RNLS: variants seen among roughly 807,000 people sequenced by gnomAD.
RNLS encodes the protein renalase, FAD dependent amine oxidase.
Under a neutral mutation model 39.8 loss-of-function variants are expected in RNLS, and 39 were observed. That is an observed-to-expected ratio of 0.98 (90% CI 0.76 to 1.28). The LOEUF is 1.28. Ranked by LOEUF, RNLS falls within the 50% of genes most tolerant of loss-of-function variation. The pLI, the probability that RNLS is intolerant of heterozygous loss-of-function variation, is 0.00. For synonymous variants in RNLS, 147 were observed against 150.7 expected (o/e 0.98, Z 0.18); for missense variants, 410 against 413.3 (o/e 0.99, Z 0.07).
downstream of RNLS, among the ~76,000 whole-genome samples, chr10:88,282,941 T>G (rs1415594516): frequency 6.6e-6 from 1 of 152,182 alleles, no homozygotes; most frequent in Non-Finnish European, 1.5e-5. Context: ...TTGAATACGC[T>G]CCTTTCAAAA....
intron 4 of RNLS, among the ~76,000 whole-genome samples, chr10:88,462,919 T>A (rs1785389033): frequency 1.3e-5 from 2 of 151,978 alleles, no homozygotes; most frequent in African/African-American, 4.8e-5. Context: ...CTCCAGGTAG[T>A]GTGGTCTTGA....
intron 4 of RNLS, among the ~76,000 whole-genome samples, chr10:88,439,604 T>C (rs1379161982): frequency 2.6e-5 from 4 of 152,236 alleles, no homozygotes; most frequent in African/African-American, 9.6e-5. Context: ...TTGGCATCTC[T>C]TGAGACATTT....
intron 5 of RNLS, among the ~76,000 whole-genome samples, chr10:88,356,754 C>T (rs1296187358): frequency 6.6e-6 from 1 of 152,032 alleles, no homozygotes; most frequent in Non-Finnish European, 1.5e-5. Flanking sequence ...AAAACTATGT[C>T]ATTATGGCTA....
intron 4 of RNLS, among the ~76,000 whole-genome samples, chr10:88,443,890 TCGGGG>T (rs1841876929): frequency 6.6e-6 from 1 of 152,176 alleles, no homozygotes; most frequent in Non-Finnish European, 1.5e-5. Flanking sequence ...ACTCCACCTC[TCGGGG>T]CAGGGCATAG....
intron 4 of RNLS, among the ~76,000 whole-genome samples, chr10:88,506,572 T>C (rs1050871308): frequency 1.9e-4 from 28 of 151,298 alleles, no homozygotes; most frequent in Non-Finnish European, 2.5e-4. Context: ...AATTTAAAAA[T>C]AAATAAAATT....
At chr10:88,522,182 T>C (rs1359580871) in intron 4 of RNLS, among the ~76,000 whole-genome samples, 1 of 152,096 alleles carries the variant, frequency 6.6e-6, no homozygotes, top group East Asian at 1.9e-4. Flanking sequence ...AAAATATTTG[T>C]CAATACATTA....
At chr10:88,578,954 T>G (rs1260057165) in intron 3 of RNLS, among the ~76,000 whole-genome samples, 3 of 152,132 alleles carry the variant, frequency 2.0e-5, no homozygotes, top group Admixed American at 1.3e-4. Flanking sequence ...AAAGGATATG[T>G]GTATGTATGT....
chr10:88,318,917 G>A (rs1845969212), intron 5 of RNLS, among the ~76,000 whole-genome samples: 1 of 152,106 alleles, frequency 6.6e-6, no homozygotes, highest in African/African-American at 2.4e-5. Context: ...ATCAGGGCAG[G>A]TGCTTCCGCT....
intron 4 of RNLS, among the ~76,000 whole-genome samples, chr10:88,393,532 G>A (rs1852349899): frequency 1.3e-5 from 2 of 152,306 alleles, no homozygotes; most frequent in East Asian, 3.9e-4. Flanking sequence ...ACTGCTCAAT[G>A]AAGTAAAAGA....
At chr10:88,260,242 C>T in the RNLS span, among the ~76,000 whole-genome samples, 1 of 152,170 alleles carries the variant, frequency 6.6e-6, no homozygotes, top group African/African-American at 2.4e-5. Context: ...TTCTCTGAGT[C>T]CTGCAGCCAC....
At chr10:88,292,280 AG>A (rs932775237) in intron 6 of RNLS, among the ~76,000 whole-genome samples, 1 of 150,888 alleles carries the variant, frequency 6.6e-6, no homozygotes, top group Non-Finnish European at 1.5e-5. Context: ...ATGTTAATAT[AG>A]GGGAAATATC....
chr10:88,203,779 TATTATA>T, the RNLS span, among the ~76,000 whole-genome samples: 16 of 151,172 alleles, frequency 1.1e-4, 1 homozygote, highest in African/African-American at 3.6e-4. Context: ...TATAAAATAA[TATTATA>T]ATTATATTAA....
intron 4 of RNLS, among the ~76,000 whole-genome samples, chr10:88,443,918 C>CA (rs1389557239): frequency 2.6e-5 from 4 of 152,238 alleles, no homozygotes; most frequent in African/African-American, 7.2e-5. Context: ...GAACAAAAGG[C>CA]AGCAGAAACC....
At chr10:88,274,052 G>A (rs1215679640) in exon 7 of RNLS, 2 of 152,080 alleles carry the variant, frequency 1.3e-5, no homozygotes, top group African/African-American at 4.8e-5. Flanking sequence ...CCCTTAAACA[G>A]GATGTTAAAA....
intron 4 of RNLS, among the ~76,000 whole-genome samples, chr10:88,452,564 TATCATCACTCCTAA>T: frequency 6.6e-6 from 1 of 152,140 alleles, no homozygotes; most frequent in Non-Finnish European, 1.5e-5. Flanking sequence ...TGATCCCACT[TATCATCACTCCTAA>T]GTGACCCACA....
At position 88,330,091 on chromosome 10, in the gene RNLS, AAATAT is replaced by A. The variant is rs1415604631; in HGVS notation, c.701-15455_701-15451del. Reference sequence around the variant, plus strand: ...TTGAGATATATATATATATATATATAAATATAAATATATATACACACACTATATAT... The same window carrying A: ...TTGAGATATATATATATATATATATAAAATATATATACACACACTATATAT... On this transcript the variant is annotated intron_variant, in intron 5 of 6. Coordinates refer to ENST00000331772, the MANE Select transcript of RNLS (RefSeq NM_001031709.3). Among the ~76,000 whole-genome samples the A allele has an allele frequency of 3.8e-3, 538 of 141,280 alleles. 6 individuals are homozygous for A. Among genetic ancestry groups the A allele is most frequent in the African/African-American group, 0.013 (512 of 39,288 alleles). The allele number at this position is 141,280 out of a possible 152,430, so 92.7% of individuals were successfully genotyped here.
At chr10:88,262,970 G>C in the RNLS span, among the ~76,000 whole-genome samples, 1 of 152,120 alleles carries the variant, frequency 6.6e-6, no homozygotes. Flanking sequence ...AAGTGGTTAA[G>C]AGTGTAAATT....
intron 4 of RNLS, among the ~76,000 whole-genome samples, chr10:88,489,799 T>C (rs1218369031): frequency 6.6e-6 from 1 of 152,220 alleles, no homozygotes; most frequent in East Asian, 1.9e-4. Context: ...TCAGTTTGTA[T>C]TCTAGAGCTT....
the RNLS span, among the ~76,000 whole-genome samples, chr10:88,172,851 T>TGTTTTTTTG: frequency 2.1e-5 from 1 of 48,568 alleles, no homozygotes; most frequent in Admixed American, 2.0e-4. Context: ...TGTTTTTTTT[T>TGTTTTTTTG]TTTTTTTTTT....
Sources: allele counts gnomAD v4.1 joint callset (sites outside exome capture counted in the v4.1 genomes callset), GRCh38; gene constraint gnomAD v4.1.1; transcripts MANE v1.5; gene names NCBI Gene and HGNC (gene_info 2026-07-23, HGNC 2026-07-21).